The following FBXW7 variants were observed in gnomAD, a reference collection of about 807,000 sequenced individuals.
FBXW7 encodes F-box and WD repeat domain containing 7.
Under a neutral mutation model 86.3 loss-of-function variants are expected in FBXW7, and 11 were observed. The ratio of observed to expected loss-of-function variants is 0.13; its 90% CI spans 0.08 to 0.21. The LOEUF (loss-of-function observed/expected upper bound fraction) is 0.21, where lower values mean the gene tolerates loss of function less well. FBXW7 is among the 10% of genes least tolerant of loss of function. The pLI is 1.00. For missense variants in FBXW7, 488 were observed against 847.4 expected (o/e 0.58, Z 5.27); for synonymous variants, 313 against 297.9 (o/e 1.05, Z -0.52).
At chr4:152,362,847 AAAC>A (rs1376275908) in intron 4 of FBXW7, among the ~76,000 whole-genome samples, 6 of 151,512 alleles carry the variant, frequency 4.0e-5, no homozygotes, top group Admixed American at 1.3e-4. Context: ...AAAAAAAAAA[AAAC>A]AACAAGAACT....
chr4:152,499,383 C>T (rs931293147), intron 2 of FBXW7, among the ~76,000 whole-genome samples: 5 of 152,254 alleles, frequency 3.3e-5, no homozygotes, highest in African/African-American at 1.2e-4. Flanking sequence ...TGAGTTCTGA[C>T]TCTATAAAAC....
At chr4:152,509,147 C>G (rs778041472) in intron 2 of FBXW7, among the ~76,000 whole-genome samples, 4 of 151,970 alleles carry the variant, frequency 2.6e-5, no homozygotes, top group African/African-American at 9.7e-5. Context: ...AAATACAACA[C>G]GTGAATAATT....
chr4:152,434,068 C>G (rs1434918918), intron 2 of FBXW7, among the ~76,000 whole-genome samples: 1 of 151,994 alleles, frequency 6.6e-6, no homozygotes, highest in East Asian at 1.9e-4. Flanking sequence ...TATAGAAACC[C>G]AAGTATACAG....
intron 4 of FBXW7, among the ~76,000 whole-genome samples, chr4:152,398,311 C>T (rs898620409): frequency 1.2e-4 from 18 of 151,268 alleles, no homozygotes; most frequent in Non-Finnish European, 2.5e-4. Context: ...GAATTGTGTG[C>T]TTTTGATATG....
At chr4:152,401,516 T>C (rs909674687) in intron 4 of FBXW7, among the ~76,000 whole-genome samples, 1 of 152,184 alleles carries the variant, frequency 6.6e-6, no homozygotes, top group African/African-American at 2.4e-5. Flanking sequence ...AAAGGATCAG[T>C]GGCGATGAGA....
intron 2 of FBXW7, among the ~76,000 whole-genome samples, chr4:152,417,499 T>G (rs1356399243): frequency 6.6e-6 from 1 of 152,072 alleles, no homozygotes; most frequent in Non-Finnish European, 1.5e-5. Context: ...AGAGCCTTTC[T>G]GTAGTGAGGG....
intron 4 of FBXW7, among the ~76,000 whole-genome samples, chr4:152,355,456 T>C (rs1420796448): frequency 6.6e-6 from 1 of 152,106 alleles, no homozygotes; most frequent in Non-Finnish European, 1.5e-5. Flanking sequence ...ACCAAATAGC[T>C]AAGAAACCAA....
chr4:152,471,455 A>AGGAGGGAAGGAAGGAGGGAAGCAG (rs1471001978), intron 2 of FBXW7, among the ~76,000 whole-genome samples: 1 of 109,672 alleles, frequency 9.1e-6, no homozygotes, highest in African/African-American at 3.5e-5. Context: ...GAGAGAAGGA[A>AGGAGGGAAGGAAGGAGGGAAGCAG]GGAGGGAAGG....
chr4:152,371,884 G>C (rs1734035181), intron 4 of FBXW7, among the ~76,000 whole-genome samples: 1 of 151,986 alleles, frequency 6.6e-6, no homozygotes, highest in African/African-American at 2.4e-5. Context: ...AAGTCTCTCA[G>C]AGACATGAAG....
At chr4:152,513,693 C>T (rs1748199708) in intron 2 of FBXW7, among the ~76,000 whole-genome samples, 2 of 152,192 alleles carry the variant, frequency 1.3e-5, no homozygotes, top group Admixed American at 1.3e-4. Flanking sequence ...TCAACAATGA[C>T]ATTACTTGTA....
intron 9 of FBXW7, among the ~76,000 whole-genome samples, chr4:152,330,220 T>C (rs995424527): frequency 1.3e-5 from 2 of 151,952 alleles, no homozygotes; most frequent in Non-Finnish European, 2.9e-5. Flanking sequence ...AGTATAACAA[T>C]GTCTCCCCAA....
chr4:152,508,200 A>G (rs528183289), intron 2 of FBXW7, among the ~76,000 whole-genome samples: 4 of 152,206 alleles, frequency 2.6e-5, no homozygotes, highest in Non-Finnish European at 5.9e-5. Context: ...TAATGATGAT[A>G]ATAGATGAAA....
intron 2 of FBXW7, among the ~76,000 whole-genome samples, chr4:152,455,117 T>C (rs1334597885): frequency 6.6e-6 from 1 of 152,182 alleles, no homozygotes; most frequent in Non-Finnish European, 1.5e-5. Context: ...TCCACTAAGA[T>C]ATTTGTTCTA....
intron 2 of FBXW7, among the ~76,000 whole-genome samples, chr4:152,452,025 T>C (rs939360812): frequency 3.3e-5 from 5 of 152,156 alleles, no homozygotes; most frequent in Admixed American, 3.3e-4. Flanking sequence ...CTCTTGAGTA[T>C]ACACAAAGTA....
chr4:152,435,146 T>C (rs941490632), intron 2 of FBXW7, among the ~76,000 whole-genome samples: 2 of 148,566 alleles, frequency 1.3e-5, no homozygotes, highest in African/African-American at 2.5e-5. Context: ...CACGTAAGTA[T>C]GCATTTCTTA....
intron 4 of FBXW7, among the ~76,000 whole-genome samples, chr4:152,384,211 T>C (rs1001565914): frequency 6.6e-6 from 1 of 152,084 alleles, no homozygotes; most frequent in Non-Finnish European, 1.5e-5. Context: ...AAGCAGAGAC[T>C]TGAACAGATA....
chr4:152,513,766 T>C (rs140561907), intron 2 of FBXW7, among the ~76,000 whole-genome samples: 2,382 of 152,314 alleles, frequency 0.016, 39 homozygotes, highest in Middle Eastern at 0.037. Flanking sequence ...ATCTCAACCA[T>C]AGAAACCATT....
rs2126878838 is a variant in FBXW7 at position 152,411,489 on chromosome 4, A to G, written c.315T>C (p.Ala105=). The G allele has an allele frequency of 1.2e-6, 2 of 1,613,690 alleles. No homozygotes were observed. Among genetic ancestry groups the G allele is most frequent in the Non-Finnish European group, 1.7e-6 (2 of 1,179,824 alleles). Residue 105 remains alanine, a synonymous_variant, in exon 4 of 14, where the codon GCT becomes GCC. Transcript: ENST00000281708. ...CCTCATCCTCCTCATCTTGTTCACC[A>G]GCATGTTCTTCATCTTCCTCTTGTT... ...QEEQEEDEEH[A]GEQDEEDEEE... is the part of the protein sequence containing the mutation.
chr4:152,323,954 G>T, intron 13 of FBXW7: 1 of 474,090 alleles, frequency 2.1e-6, no homozygotes, highest in Non-Finnish European at 3.8e-6. Flanking sequence ...AGAGTCAATT[G>T]AACATGCAGG....
Sources: allele counts gnomAD v4.1 joint callset (sites outside exome capture counted in the v4.1 genomes callset), GRCh38; gene constraint gnomAD v4.1.1; transcripts MANE v1.5; gene names NCBI Gene and HGNC (gene_info 2026-07-23, HGNC 2026-07-21).